CCSER1: variants seen among roughly 807,000 people sequenced by gnomAD.
CCSER1 encodes coiled-coil serine rich protein 1.
CCSER1 carries 41 observed loss-of-function variants against 82.0 expected under a neutral mutation model. The observed-to-expected ratio is 0.50, with a 90% CI of 0.39 to 0.65. CCSER1 has a LOEUF of 0.65. CCSER1 is among the 30% of genes least tolerant of loss of function. The pLI, the probability that CCSER1 is intolerant of heterozygous loss-of-function variation, is 0.00. For synonymous variants in CCSER1, 414 were observed against 383.9 expected, an observed-to-expected ratio of 1.08 and a Z score of -0.92; for missense variants, 1,119 against 1,064.2, an observed-to-expected ratio of 1.05 and a Z score of -0.72.
intron 10 of CCSER1, among the ~76,000 whole-genome samples, chr4:91,247,199 G>A (rs1415675000): frequency 6.6e-6 from 1 of 151,906 alleles, no homozygotes; most frequent in Non-Finnish European, 1.5e-5. Flanking sequence ...CTACTCAGGA[G>A]GCTGAGGCAG....
chr4:90,986,882 A>G (rs1372453679), intron 9 of CCSER1, among the ~76,000 whole-genome samples: 3 of 151,756 alleles, frequency 2.0e-5, no homozygotes, highest in Non-Finnish European at 4.4e-5. Flanking sequence ...AGGTAGATTT[A>G]GTCAACTTGC....
At chr4:90,702,499 G>A (rs1738369757) in intron 6 of CCSER1, among the ~76,000 whole-genome samples, 1 of 152,126 alleles carries the variant, frequency 6.6e-6, no homozygotes. Flanking sequence ...AATGAGTTAG[G>A]GAGGATTCCC....
intron 8 of CCSER1, among the ~76,000 whole-genome samples, chr4:90,878,293 G>A (rs1237120064): frequency 2.0e-5 from 3 of 152,002 alleles, no homozygotes; most frequent in African/African-American, 7.2e-5. Flanking sequence ...AAAGCCATCC[G>A]CAATGCCTTG....
At chr4:90,234,931 T>A (rs961445701) in intron 1 of CCSER1, 1 of 152,168 alleles carries the variant, frequency 6.6e-6, no homozygotes. Flanking sequence ...ATTTTCCTAC[T>A]TCCTTTGCTC....
intron 1 of CCSER1, among the ~76,000 whole-genome samples, chr4:90,232,103 A>T (rs1325741661): frequency 6.6e-6 from 1 of 152,214 alleles, no homozygotes; most frequent in Non-Finnish European, 1.5e-5. Context: ...GACTTTCTTC[A>T]CAGAATTGGA....
intron 10 of CCSER1, among the ~76,000 whole-genome samples, chr4:91,483,816 C>T (rs541314902): frequency 1.8e-4 from 27 of 152,116 alleles, no homozygotes; most frequent in African/African-American, 4.8e-4. Context: ...ATTTCTCATG[C>T]GTTCTAACAA....
intron 3 of CCSER1, among the ~76,000 whole-genome samples, chr4:90,318,743 A>T (rs1736600594): frequency 6.6e-6 from 1 of 152,110 alleles, no homozygotes; most frequent in African/African-American, 2.4e-5. Flanking sequence ...CTGTTTTCTC[A>T]TTTATTAGCT....
At chr4:90,371,435 T>C (rs1747394045) in intron 3 of CCSER1, among the ~76,000 whole-genome samples, 1 of 152,228 alleles carries the variant, frequency 6.6e-6, no homozygotes, top group South Asian at 2.1e-4. Context: ...TTTGCACATT[T>C]TACATAACTT....
At chr4:90,265,697 G>T (rs1024825095) in intron 1 of CCSER1, among the ~76,000 whole-genome samples, 4 of 152,008 alleles carry the variant, frequency 2.6e-5, no homozygotes, top group Non-Finnish European at 5.9e-5. Context: ...TCTGAATCCA[G>T]CTGTTTTACA....
chr4:90,478,731 C>CTTTTTTTTTTTTTTTTTTTT (rs59376887), intron 5 of CCSER1, among the ~76,000 whole-genome samples: 1 of 133,252 alleles, frequency 7.5e-6, no homozygotes. Context: ...TTCTTTCTTT[C>CTTTTTTTTTTTTTTTTTTTT]TTTTTTTTTT....
In CCSER1 at chr4:90,239,653, T is replaced by A. The variant is rs928608133; in HGVS notation, c.-41-68591T>A. Among the ~76,000 whole-genome samples, 10 of 152,286 alleles carry A rather than the reference T, an allele frequency of 6.6e-5. No homozygotes were observed. In the East Asian group the frequency reaches 9.6e-4, roughly 15 times the overall value. ...TATGCTCAGCTAATTATTTTTAATT[T>A]TTTTTTGTAAATGTGGGCTCTTGCA... is the stretch of plus-strand genomic sequence containing the variant. On this transcript the variant is annotated intron_variant, in intron 1 of 10. Coordinates refer to ENST00000509176, the MANE Select transcript of CCSER1 (RefSeq NM_001145065.2).
At chr4:91,203,557 G>T (rs565046925) in intron 10 of CCSER1, among the ~76,000 whole-genome samples, 1 of 151,750 alleles carries the variant, frequency 6.6e-6, no homozygotes, top group South Asian at 2.1e-4. Flanking sequence ...GTAAAACATA[G>T]ATTAGTAAAA....
intron 7 of CCSER1, among the ~76,000 whole-genome samples, chr4:90,800,285 T>A (rs1286112378): frequency 1.3e-5 from 2 of 152,210 alleles, no homozygotes; most frequent in East Asian, 1.9e-4. Flanking sequence ...TTATTTTTTG[T>A]AGAGACGAGG....
chr4:91,528,315 A>C (rs1760867124), intron 10 of CCSER1, among the ~76,000 whole-genome samples: 1 of 152,202 alleles, frequency 6.6e-6, no homozygotes, highest in South Asian at 2.1e-4. Context: ...AATAATTAAG[A>C]AAGTGATGGT....
chr4:90,197,452 G>A (rs1736828906), intron 1 of CCSER1, among the ~76,000 whole-genome samples: 1 of 152,104 alleles, frequency 6.6e-6, no homozygotes, highest in South Asian at 2.1e-4. Flanking sequence ...AGAAAGGATA[G>A]CAGTATATCC....
intron 6 of CCSER1, among the ~76,000 whole-genome samples, chr4:90,689,484 A>C (rs1218671321): frequency 6.6e-6 from 1 of 152,194 alleles, no homozygotes; most frequent in Non-Finnish European, 1.5e-5. Context: ...AAATTGAACT[A>C]AGATTTCTAA....
In CCSER1 at chr4:91,598,801, A is replaced by G. The variant is rs1251137132; in HGVS notation, c.2447A>G (p.Asp816Gly). ...SRGTYETLTS[D>G]VTQNLRATVG... is the part of the protein sequence containing the mutation. ...GGAACTTATGAAACCCTCACTTCAGACGTTACACAGAACTTACGGGCCACC... is the reference window on the plus strand; with the variant it reads ...GGAACTTATGAAACCCTCACTTCAGGCGTTACACAGAACTTACGGGCCACC... The change falls in exon 11 of 11, where the codon GAC becomes GGC. Residue 816 changes from aspartate to glycine, a missense_variant. Physicochemically the swap from Asp to Gly is moderately conservative, Grantham distance 94. Coordinates refer to ENST00000509176, the MANE Select transcript of CCSER1 (RefSeq NM_001145065.2). The G allele has an allele frequency of 6.4e-7, 1 of 1,551,544 alleles. No individual in the cohort carries two copies. Among genetic ancestry groups the G allele is most frequent in the Non-Finnish European group, 8.7e-7 (1 of 1,146,948 alleles).
chr4:90,491,845 C>G (rs1253161062), intron 5 of CCSER1, among the ~76,000 whole-genome samples: 1 of 152,148 alleles, frequency 6.6e-6, no homozygotes, highest in African/African-American at 2.4e-5. Flanking sequence ...GTTGAACCAG[C>G]CTTGCATCCC....
intron 1 of CCSER1, among the ~76,000 whole-genome samples, chr4:90,301,227 G>A (rs1733039241): frequency 6.6e-6 from 1 of 152,104 alleles, no homozygotes; most frequent in South Asian, 2.1e-4. Flanking sequence ...TCCAAATTAT[G>A]AATCATTTAA....
Sources: allele counts gnomAD v4.1 joint callset (sites outside exome capture counted in the v4.1 genomes callset), GRCh38; gene constraint gnomAD v4.1.1; transcripts MANE v1.5; gene names NCBI Gene and HGNC (gene_info 2026-07-23, HGNC 2026-07-21).